Variants in STAU2 observed in about 807,000 individuals in gnomAD.
STAU2 encodes the protein staufen double-stranded RNA binding protein 2, also known as double-stranded RNA-binding protein Staufen homolog 2.
Under a neutral mutation model 65.9 loss-of-function variants are expected in STAU2, and 20 were observed. The observed-to-expected ratio is 0.30, with a 90% CI of 0.21 to 0.44. STAU2 has a LOEUF of 0.44. Ranked by LOEUF, STAU2 falls within the 20% of genes least tolerant of loss-of-function variation. STAU2 has a pLI of 1.00. For synonymous variants in STAU2, 232 were observed against 233.9 expected (o/e 0.99, Z 0.07); for missense variants, 558 against 683.9 (o/e 0.82, Z 2.05).
chr8:73,702,926 T>C (rs942288821), intron 4 of STAU2, among the ~76,000 whole-genome samples: 3 of 152,122 alleles, frequency 2.0e-5, no homozygotes, highest in Non-Finnish European at 2.9e-5. Flanking sequence ...ACTAGAACTC[T>C]CATACACCGC....
At chr8:73,635,165 AC>A (rs1156643303) in intron 6 of STAU2, among the ~76,000 whole-genome samples, 2 of 152,222 alleles carry the variant, frequency 1.3e-5, no homozygotes, top group Non-Finnish European at 2.9e-5. Context: ...GGGATACTAA[AC>A]CGTTCTTAAA....
chr8:73,637,488 A>G (rs1380343756), intron 6 of STAU2, among the ~76,000 whole-genome samples: 2 of 140,700 alleles, frequency 1.4e-5, no homozygotes, highest in Non-Finnish European at 3.1e-5. Flanking sequence ...AAAAAAAAAA[A>G]AAAAAAAAAA....
intron 13 of STAU2, among the ~76,000 whole-genome samples, chr8:73,489,298 C>T (rs1319357785): frequency 1.3e-5 from 2 of 151,724 alleles, no homozygotes; most frequent in Admixed American, 6.6e-5. Context: ...AGGCAATAAG[C>T]TTATTTTCCC....
intron 13 of STAU2, among the ~76,000 whole-genome samples, chr8:73,465,341 C>G (rs1175321442): frequency 6.6e-6 from 1 of 152,118 alleles, no homozygotes; most frequent in Non-Finnish European, 1.5e-5. Context: ...TACCACAGTT[C>G]CTTTACAATA....
chr8:73,687,357 A>T (rs1211496941), intron 5 of STAU2, among the ~76,000 whole-genome samples: 2 of 4,280 alleles, frequency 4.7e-4, no homozygotes, highest in African/African-American at 1.0e-3. Flanking sequence ...TAATTTATAT[A>T]ATATAAATAT....
At chr8:73,422,300 C>T (rs1382353613) in intron 14 of STAU2, among the ~76,000 whole-genome samples, 1 of 152,212 alleles carries the variant, frequency 6.6e-6, no homozygotes, top group African/African-American at 2.4e-5. Flanking sequence ...CAATGCTCTA[C>T]AGTATGAAGT....
At chr8:73,504,723 AC>A (rs1393996974) in intron 13 of STAU2, among the ~76,000 whole-genome samples, 1 of 152,044 alleles carries the variant, frequency 6.6e-6, no homozygotes, top group East Asian at 1.9e-4. Context: ...GAAAAAAAAA[AC>A]AAAACTTGTT....
chr8:73,721,287 CAAAAAAAAAAAAAAA>C (rs35721754), intron 3 of STAU2, among the ~76,000 whole-genome samples: 6 of 12,464 alleles, frequency 4.8e-4, no homozygotes, highest in Non-Finnish European at 7.1e-4. Flanking sequence ...ACCCCACCTC[CAAAAAAAAAAAAAAA>C]AAAAAAAAAA....
intron 8 of STAU2, 146 bp downstream of exon 8, chr8:73,615,529 G>T: frequency 3.5e-6 from 2 of 566,438 alleles, no homozygotes. Context: ...TTTTCACCAG[G>T]GCCTAGATCA....
intron 3 of STAU2, among the ~76,000 whole-genome samples, chr8:73,716,906 C>T (rs1220964479): frequency 6.6e-6 from 1 of 152,050 alleles, no homozygotes; most frequent in African/African-American, 2.4e-5. Flanking sequence ...GAGTTCAAAA[C>T]CAGTCTGGGC....
chr8:73,512,146 G>A (rs1463475029), intron 13 of STAU2, among the ~76,000 whole-genome samples: 3 of 152,136 alleles, frequency 2.0e-5, no homozygotes, highest in Non-Finnish European at 4.4e-5. Context: ...GTAGAGTACT[G>A]TAGTTTTACA....
chr8:73,554,962 A>G (rs1010436327), intron 12 of STAU2, among the ~76,000 whole-genome samples: 1 of 152,208 alleles, frequency 6.6e-6, no homozygotes, highest in Non-Finnish European at 1.5e-5. Context: ...GTTCGGTTAC[A>G]CACATGCACA....
At chr8:73,542,892 G>A (rs1301496411) in intron 13 of STAU2, among the ~76,000 whole-genome samples, 4 of 152,144 alleles carry the variant, frequency 2.6e-5, no homozygotes, top group Non-Finnish European at 5.9e-5. Context: ...AACATTGTAT[G>A]TACACTTACC....
chr8:73,626,708 C>G (rs936716656), intron 6 of STAU2, among the ~76,000 whole-genome samples: 4 of 152,188 alleles, frequency 2.6e-5, no homozygotes, highest in Admixed American at 2.0e-4. Flanking sequence ...CTAGGAGCAA[C>G]TGCAGCAGAG....
chr8:73,599,078 T>C (rs1012405192), intron 10 of STAU2, among the ~76,000 whole-genome samples: 9 of 152,184 alleles, frequency 5.9e-5, no homozygotes, highest in African/African-American at 1.7e-4. Context: ...CTCAATTAAT[T>C]GAACTCAATG....
chr8:73,544,639 A>G (rs537888946), intron 13 of STAU2, among the ~76,000 whole-genome samples: 1 of 152,208 alleles, frequency 6.6e-6, no homozygotes. Flanking sequence ...TCCCTCTGCT[A>G]TGAACTCTTC....
At chr8:73,532,715 C>G (rs1805902037) in intron 13 of STAU2, among the ~76,000 whole-genome samples, 1 of 152,198 alleles carries the variant, frequency 6.6e-6, no homozygotes, top group South Asian at 2.1e-4. Flanking sequence ...TAAAGGCTGT[C>G]ACCTATGAGG....
At chr8:73,545,529 A>T (rs1806847878) in intron 13 of STAU2, among the ~76,000 whole-genome samples, 1 of 152,188 alleles carries the variant, frequency 6.6e-6, no homozygotes, top group African/African-American at 2.4e-5. Flanking sequence ...AGTAAACTAC[A>T]TTACTAATAT....
chr8:73,443,053 A>T (rs1818277995), intron 13 of STAU2, among the ~76,000 whole-genome samples: 1 of 152,202 alleles, frequency 6.6e-6, no homozygotes, highest in Non-Finnish European at 1.5e-5. Context: ...TGGGCAAGGG[A>T]TGTTATATCA....
Sources: gnomAD v4.1 joint callset for allele counts (sites outside exome capture counted in the v4.1 genomes callset) on GRCh38, gnomAD v4.1.1 for gene constraint, MANE v1.5 for transcripts, NCBI Gene and HGNC (gene_info 2026-07-23, HGNC 2026-07-21) for gene names.